CHSY1: variants seen among roughly 807,000 people sequenced by gnomAD.
The protein encoded by CHSY1 is chondroitin sulfate synthase 1.
In CHSY1, 13 loss-of-function variants were observed where a neutral mutation model predicts 59.8. The ratio of observed to expected loss-of-function variants is 0.22; its 90% CI spans 0.14 to 0.35. The LOEUF is 0.35. Among genes scored for constraint, CHSY1 ranks in the 10% least tolerant of loss-of-function variants. The pLI is 1.00. For missense variants in CHSY1, 947 were observed against 1,030.6 expected (o/e 0.92, Z 1.11); for synonymous variants, 459 against 401.2 (o/e 1.14, Z -1.72).
At chr15:101,239,433 T>C (rs2038979459) in intron 1 of CHSY1, among the ~76,000 whole-genome samples, 1 of 152,252 alleles carries the variant, frequency 6.6e-6, no homozygotes. Context: ...GAGCTGGCTC[T>C]GGAATCAGGC....
At chr15:101,231,492 G>A (rs1268956479) in intron 2 of CHSY1, among the ~76,000 whole-genome samples, 2 of 152,202 alleles carry the variant, frequency 1.3e-5, no homozygotes, top group Non-Finnish European at 2.9e-5. Context: ...TGAATTTTGA[G>A]CCACGTGACA....
At chr15:101,236,449 C>T (rs1183919108) in intron 1 of CHSY1, among the ~76,000 whole-genome samples, 1 of 152,174 alleles carries the variant, frequency 6.6e-6, no homozygotes, top group East Asian at 1.9e-4. Context: ...TCTTGTCTGC[C>T]ACCAAGTAAG....
intron 2 of CHSY1, among the ~76,000 whole-genome samples, chr15:101,204,331 G>C (rs2038602775): frequency 6.6e-6 from 1 of 151,922 alleles, no homozygotes; most frequent in South Asian, 2.1e-4. Flanking sequence ...CTACTCGGGA[G>C]GGTGAGGCAG....
At chr15:101,245,584 A>C (rs1313307465) in intron 1 of CHSY1, among the ~76,000 whole-genome samples, 1 of 152,242 alleles carries the variant, frequency 6.6e-6, no homozygotes, top group African/African-American at 2.4e-5. Flanking sequence ...CTTAGTTAAC[A>C]GACAGGGGAA....
At chr15:101,206,259 A>C (rs571169206) in intron 2 of CHSY1, among the ~76,000 whole-genome samples, 1 of 152,344 alleles carries the variant, frequency 6.6e-6, no homozygotes, top group South Asian at 2.1e-4. Flanking sequence ...CCACGGAGTG[A>C]AACTAGACAG....
intron 1 of CHSY1, among the ~76,000 whole-genome samples, chr15:101,240,568 T>C (rs1157477272): frequency 2.0e-5 from 3 of 152,244 alleles, no homozygotes; most frequent in Non-Finnish European, 2.9e-5. Context: ...GAGTGCCAAG[T>C]GAATCCTCCA....
intron 1 of CHSY1, among the ~76,000 whole-genome samples, chr15:101,250,815 G>A (rs1404192253): frequency 6.6e-6 from 1 of 152,178 alleles, no homozygotes; most frequent in Admixed American, 6.5e-5. Flanking sequence ...ACATTATGAG[G>A]GAGACCCGAT....
chr15:101,192,474 G>A (rs2038456752), intron 2 of CHSY1, among the ~76,000 whole-genome samples: 1 of 152,052 alleles, frequency 6.6e-6, no homozygotes, highest in Non-Finnish European at 1.5e-5. Context: ...GGGGTCTGGG[G>A]CAGACCAGCC....
At chr15:101,188,038 G>A (rs2038392726) in intron 2 of CHSY1, 3 of 985,384 alleles carry the variant, frequency 3.0e-6, no homozygotes, top group Non-Finnish European at 3.6e-6. Context: ...CCGCTGCAAG[G>A]AGAGCCAACA....
At chr15:101,217,261 A>C (rs1284052019) in intron 2 of CHSY1, among the ~76,000 whole-genome samples, 1 of 152,228 alleles carries the variant, frequency 6.6e-6, no homozygotes, top group Non-Finnish European at 1.5e-5. Context: ...CATGGTAATA[A>C]TCAGAGCTGG....
intron 1 of CHSY1, among the ~76,000 whole-genome samples, chr15:101,241,871 A>C (rs1282499871): frequency 6.6e-6 from 1 of 152,230 alleles, no homozygotes; most frequent in Non-Finnish European, 1.5e-5. Context: ...CCAGGACCCC[A>C]AAATCCACAG....
intron 2 of CHSY1, among the ~76,000 whole-genome samples, chr15:101,215,675 C>T (rs1415123023): frequency 1.3e-5 from 2 of 152,236 alleles, no homozygotes; most frequent in Non-Finnish European, 2.9e-5. Context: ...GTGGAGGCTG[C>T]AGTGAGCTGA....
Position 101,176,703 on chromosome 15 carries a change from G to A in CHSY1, c.*685C>T, listed in dbSNP as rs920756440. On this transcript the variant is annotated 3_prime_UTR_variant, in exon 3 of 3. Coordinates refer to ENST00000254190, the MANE Select transcript of CHSY1 (RefSeq NM_014918.5). ...CCCAGCTACTCGGGAGGCAAAGGCA[G>A]GGGAATTGCTTGAACCAGGGAAGTG... 7 of 275,708 alleles carry A rather than the reference G, an allele frequency of 2.5e-5. No individual in the cohort carries two copies. The highest frequency in any genetic ancestry group is 1.1e-4 in the Admixed American group (2 of 18,696). 17.1% of individuals were successfully genotyped at this position (275,708 alleles called of 1,614,324 possible).
chr15:101,186,739 C>A (rs1225390658), intron 2 of CHSY1: 2 of 152,026 alleles, frequency 1.3e-5, no homozygotes, highest in East Asian at 3.9e-4. Context: ...GAGGTCGAGG[C>A]TGCAGTGAGC....
At chr15:101,230,876 G>A (rs1305774404) in intron 2 of CHSY1, among the ~76,000 whole-genome samples, 1 of 152,140 alleles carries the variant, frequency 6.6e-6, no homozygotes, top group Non-Finnish European at 1.5e-5. Flanking sequence ...GGAGAAAAAG[G>A]TGGCCATTCA....
intron 2 of CHSY1, among the ~76,000 whole-genome samples, chr15:101,185,699 C>CTT (rs10556870): frequency 4.1e-5 from 5 of 121,362 alleles, no homozygotes; most frequent in South Asian, 2.8e-4. Flanking sequence ...CTCGAAATAT[C>CTT]TTTTTTTTTT....
intron 2 of CHSY1, among the ~76,000 whole-genome samples, chr15:101,233,597 G>A (rs562806310): frequency 3.3e-5 from 5 of 152,316 alleles, no homozygotes; most frequent in Admixed American, 6.5e-5. Context: ...CGTGACGACA[G>A]AGAGATCCCG....
chr15:101,219,914 G>A (rs2038771872), intron 2 of CHSY1, among the ~76,000 whole-genome samples: 1 of 152,140 alleles, frequency 6.6e-6, no homozygotes, highest in African/African-American at 2.4e-5. Flanking sequence ...TTACAGGCAT[G>A]TGCCACCACG....
At chr15:101,180,699 C>T (rs1262597478) in intron 2 of CHSY1, among the ~76,000 whole-genome samples, 2 of 152,196 alleles carry the variant, frequency 1.3e-5, no homozygotes, top group African/African-American at 2.4e-5. Context: ...AGGCAGTAGG[C>T]GACTGGCACC....
Sources: gnomAD v4.1 joint callset for allele counts (sites outside exome capture counted in the v4.1 genomes callset) on GRCh38, gnomAD v4.1.1 for gene constraint, MANE v1.5 for transcripts, NCBI Gene and HGNC (gene_info 2026-07-23, HGNC 2026-07-21) for gene names.